The following OPRD1 variants were observed in gnomAD, a reference collection of about 807,000 sequenced individuals.
OPRD1 encodes the protein opioid receptor delta 1.
A neutral mutation model predicts 17.5 loss-of-function variants in OPRD1; 19 were observed. That is an observed-to-expected ratio of 1.09 (90% confidence interval 0.76 to 1.60). The LOEUF is 1.60. OPRD1 is among the 40% of genes most tolerant of loss of function. The pLI is 0.00. For missense variants in OPRD1, 483 were observed against 547.2 expected (o/e 0.88, Z 1.17); for synonymous variants, 256 against 240.9 (o/e 1.06, Z -0.58).
intron 1 of OPRD1, among the ~76,000 whole-genome samples, chr1:28,820,772 T>G (rs988458892): frequency 2.0e-5 from 3 of 151,996 alleles, no homozygotes; most frequent in Non-Finnish European, 2.9e-5. Flanking sequence ...GAGCTATGAT[T>G]GTACCACTGC....
intron 1 of OPRD1, 31 bp from the exon 2 acceptor site, chr1:28,858,923 G>T (rs2089083684): frequency 6.4e-7 from 1 of 1,562,246 alleles, no homozygotes; most frequent in African/African-American, 1.3e-5. Flanking sequence ...TCTGTGAAAT[G>T]GGATTAATTA....
intron 1 of OPRD1, among the ~76,000 whole-genome samples, chr1:28,856,814 T>A (rs1023212306): frequency 1.3e-5 from 2 of 152,176 alleles, no homozygotes; most frequent in Non-Finnish European, 2.9e-5. Flanking sequence ...GCTATAGACA[T>A]CTGGCCTGGA....
chr1:28,851,663 G>A (rs1465239087), intron 1 of OPRD1, among the ~76,000 whole-genome samples: 1 of 149,018 alleles, frequency 6.7e-6, no homozygotes, highest in East Asian at 2.0e-4. Context: ...CCTGAGGTTG[G>A]GAGTTCGAGA....
At chr1:28,849,169 G>A (rs1295867084) in intron 1 of OPRD1, among the ~76,000 whole-genome samples, 1 of 152,092 alleles carries the variant, frequency 6.6e-6, no homozygotes, top group African/African-American at 2.4e-5. Context: ...TTGGGAGGCT[G>A]AGGTGGGAGG....
chr1:28,823,741 G>C (rs1337951852), intron 1 of OPRD1, among the ~76,000 whole-genome samples: 1 of 151,628 alleles, frequency 6.6e-6, no homozygotes, highest in Non-Finnish European at 1.5e-5. Context: ...TGTTGGCCAG[G>C]CTGGACTCGA....
chr1:28,860,681 A>C (rs998260880), intron 2 of OPRD1, among the ~76,000 whole-genome samples: 1 of 152,188 alleles, frequency 6.6e-6, no homozygotes, highest in Non-Finnish European at 1.5e-5. Flanking sequence ...CAGAGAGGTC[A>C]GGTGGTTTAC....
intron 1 of OPRD1, among the ~76,000 whole-genome samples, chr1:28,845,329 C>CA (rs111563719): frequency 5.5e-4 from 81 of 147,220 alleles, no homozygotes; most frequent in African/African-American, 8.8e-4. Context: ...ACTAAAAATA[C>CA]AAAAAAAAAA....
chr1:28,858,990 C>A lies in OPRD1; in HGVS notation c.264C>A (p.Ile88=). The stretch of plus-strand genomic sequence containing the variant: ...TGAAGACGGCCACCAACATCTACAT[C>A]TTCAACCTGGCCTTAGCCGATGCGC... The part of the protein sequence containing the change: ...TKMKTATNIY[I]FNLALADALA... The change falls in exon 2 of 3, where the codon ATC becomes ATA. Residue 88 remains isoleucine, a synonymous_variant. Transcript: ENST00000234961. 1.2e-6 allele frequency: 2 copies of A among 1,613,364 alleles called. No homozygotes were observed. Among genetic ancestry groups the A allele is most frequent in the Admixed American group, 1.7e-5 (1 of 60,026 alleles).
At chr1:28,838,787 G>C (rs528233778) in intron 1 of OPRD1, among the ~76,000 whole-genome samples, 1 of 152,176 alleles carries the variant, frequency 6.6e-6, no homozygotes, top group Non-Finnish European at 1.5e-5. Flanking sequence ...AGTAAACCGA[G>C]GCTCAGAGAA....
intron 2 of OPRD1, among the ~76,000 whole-genome samples, chr1:28,860,599 A>G (rs568768616): frequency 6.6e-6 from 1 of 152,342 alleles, no homozygotes; most frequent in South Asian, 2.1e-4. Context: ...AATAATAGCT[A>G]TTAAATGATT....
intron 1 of OPRD1, among the ~76,000 whole-genome samples, chr1:28,854,802 G>A (rs954753273): frequency 6.6e-6 from 1 of 152,102 alleles, no homozygotes; most frequent in Non-Finnish European, 1.5e-5. Flanking sequence ...ACAGGAGCAT[G>A]CCACTACGCC....
At chr1:28,832,061 C>G (rs1472719982) in intron 1 of OPRD1, among the ~76,000 whole-genome samples, 2 of 152,144 alleles carry the variant, frequency 1.3e-5, no homozygotes, top group East Asian at 3.9e-4. Context: ...CCCCTTGACT[C>G]TCAGAGCTCA....
At chr1:28,857,412 T>A (rs939672235) in intron 1 of OPRD1, among the ~76,000 whole-genome samples, 2 of 152,204 alleles carry the variant, frequency 1.3e-5, no homozygotes, top group Non-Finnish European at 2.9e-5. Flanking sequence ...GTTTTATTTT[T>A]AAACATATTG....
chr1:28,840,946 A>G (rs2088890586), intron 1 of OPRD1, among the ~76,000 whole-genome samples: 1 of 152,180 alleles, frequency 6.6e-6, no homozygotes, highest in Non-Finnish European at 1.5e-5. Context: ...AAAAATGAAT[A>G]AATAAAGTAA....
intron 1 of OPRD1, among the ~76,000 whole-genome samples, chr1:28,824,306 CTTTTTTCTTT>C (rs1284714437): frequency 1.5e-5 from 2 of 134,880 alleles, no homozygotes; most frequent in African/African-American, 5.8e-5. Context: ...GGTTCTTTTT[CTTTTTTCTTT>C]TTTTTTTTTT....
rs970238529 is a variant in OPRD1, at chr1:28,864,378, A to G, written c.*1095A>G. 6.6e-6 allele frequency: 1 copy of G among 152,650 alleles called. No individual in the cohort carries two copies. The highest frequency in any genetic ancestry group is 1.5e-5 in the Non-Finnish European group (1 of 68,426). 9.5% of individuals were successfully genotyped at this position (152,650 alleles called of 1,614,324 possible). On this transcript the variant is annotated 3_prime_UTR_variant, in exon 3 of 3. Transcript: ENST00000234961. Reference sequence around the variant, plus strand: ...CTTGGAATGGGCAGGAATCCCTCAGAATCGGTGGCCACAGTGGGGCTTGGG... The same window carrying G: ...CTTGGAATGGGCAGGAATCCCTCAGGATCGGTGGCCACAGTGGGGCTTGGG...
intron 1 of OPRD1, among the ~76,000 whole-genome samples, chr1:28,840,751 G>A (rs1353804397): frequency 1.3e-5 from 2 of 151,892 alleles, no homozygotes; most frequent in Admixed American, 6.6e-5. Context: ...GTGAAATCCC[G>A]GCTCCACTAA....
chr1:28,818,855 G>A (rs908426279), intron 1 of OPRD1, among the ~76,000 whole-genome samples: 8 of 152,188 alleles, frequency 5.3e-5, no homozygotes, highest in East Asian at 1.9e-4. Flanking sequence ...GCCAGAGGCC[G>A]TGCTGAGGTT....
chr1:28,845,648 C>T (rs957412249), intron 1 of OPRD1, among the ~76,000 whole-genome samples: 2 of 152,026 alleles, frequency 1.3e-5, no homozygotes, highest in Non-Finnish European at 2.9e-5. Flanking sequence ...AAATCATTGC[C>T]AAATCTGGTG....
Sources: gnomAD v4.1 joint callset for allele counts (sites outside exome capture counted in the v4.1 genomes callset) on GRCh38, gnomAD v4.1.1 for gene constraint, MANE v1.5 for transcripts, NCBI Gene and HGNC (gene_info 2026-07-23, HGNC 2026-07-21) for gene names.